The following RBPJL variants were observed in gnomAD, a reference collection of about 807,000 sequenced individuals.
RBPJL encodes recombining binding protein suppressor of hairless-like protein.
A neutral mutation model predicts 57.6 loss-of-function variants in RBPJL; 50 were observed. The ratio of observed to expected loss-of-function variants is 0.87; its 90% confidence interval spans 0.69 to 1.10. RBPJL has a LOEUF of 1.10. Among genes scored for constraint, RBPJL ranks in the 50% least tolerant of loss-of-function variants. The pLI is 0.00. For missense variants in RBPJL, 684 were observed against 693.7 expected (o/e 0.99, Z 0.16); for synonymous variants, 303 against 294.4 (o/e 1.03, Z -0.30).
In RBPJL at chr20:45,317,740, C is replaced by G. The variant is rs1390830989; in HGVS notation, c.*781C>G. 1.3e-5 allele frequency: 2 copies of G among 152,372 alleles called. No homozygotes were observed. Among genetic ancestry groups the G allele is most frequent in the African/African-American group, 4.8e-5 (2 of 41,452 alleles). The allele number at this position is 152,372 out of a possible 1,614,324, so 9.4% of individuals were successfully genotyped here. On this transcript the variant is annotated 3_prime_UTR_variant, in exon 12 of 12. Coordinates refer to ENST00000343694, the MANE Select transcript of RBPJL (RefSeq NM_014276.4). ...AGGTCTTGCCGCCTTAACTGTCCCCCCCAGTCACTTCTCCCACAGGCCCAG... is the reference window on the plus strand; with the variant it reads ...AGGTCTTGCCGCCTTAACTGTCCCCGCCAGTCACTTCTCCCACAGGCCCAG...
rs1987052457 is a variant in RBPJL at position 45,309,712 on chromosome 20, C to T, written c.257+20C>T. On this transcript the variant is annotated intron_variant, in intron 3 of 11. Coordinates refer to ENST00000343694, the MANE Select transcript of RBPJL (RefSeq NM_014276.4). ...GAAGCGGTAGGTGCCTCCGCAGCCC[C>T]TCCCAGGTCTCTGCAACTGTCAGCC... is the stretch of plus-strand genomic sequence containing the variant. 3.7e-6 allele frequency: 6 copies of T among 1,612,794 alleles called. No individual in the cohort carries two copies. The highest frequency in any genetic ancestry group is 4.2e-6 in the Non-Finnish European group (5 of 1,179,412).
intron 3 of RBPJL, among the ~76,000 whole-genome samples, chr20:45,310,891 T>C (rs961223376): frequency 6.6e-6 from 1 of 151,868 alleles, no homozygotes; most frequent in African/African-American, 2.4e-5. Flanking sequence ...GGTGGGCAGA[T>C]TGCTTGAGCC....
At position 45,316,676 on chromosome 20, in the gene RBPJL, C is replaced by G; in HGVS notation, c.1281-10C>G. 1 of 1,582,392 alleles carries G rather than the reference C, an allele frequency of 6.3e-7. No homozygotes were observed. On this transcript the variant is annotated splice_polypyrimidine_tract_variant and intron_variant, in intron 11 of 11. Transcript: ENST00000343694. The stretch of plus-strand genomic sequence containing the variant: ...TCGCCGCAGCCCTCACCCTGGTGCT[C>G]CACCCCCAGGAGCCCGCGGTCCCTG...
At position 45,312,277 on chromosome 20, in the gene RBPJL, T is replaced by TCGGCTGGTGCTG. The variant is rs1210046540; in HGVS notation, c.516_527dup (p.Leu173_Arg176dup). The TCGGCTGGTGCTG allele has an allele frequency of 2.0e-5, 33 of 1,614,214 alleles. 1 individual carries two copies. Among genetic ancestry groups the TCGGCTGGTGCTG allele is most frequent in the Non-Finnish European group, 2.7e-5 (32 of 1,180,018 alleles). ...CAGATGCAGACAAGAGGAAGCACTT[T>TCGGCTGGTGCTG]CGGCTGGTGCTGCGGCTGGTGCTGC... On this transcript the variant is annotated inframe_insertion, in exon 6 of 12. Transcript: ENST00000343694.
chr20:45,312,073 G>T (rs940985532), intron 5 of RBPJL, 119 bp downstream of exon 5: 1 of 1,440,002 alleles, frequency 6.9e-7, no homozygotes, highest in African/African-American at 1.4e-5. Context: ...GGGAGGCCGG[G>T]GTCCTGCCTT....
chr20:45,310,044 C>T (rs1987076575), intron 3 of RBPJL, among the ~76,000 whole-genome samples: 2 of 152,236 alleles, frequency 1.3e-5, no homozygotes, highest in South Asian at 4.1e-4. Flanking sequence ...GAAACAGCCC[C>T]TGCTCTGTAG....
chr20:45,312,172 G>T, intron 5 of RBPJL, 49 bp from the exon 6 acceptor site: 1 of 1,612,720 alleles, frequency 6.2e-7, no homozygotes, highest in South Asian at 1.1e-5. Flanking sequence ...TGGTTCATCC[G>T]ACGGGGGAGG....
intron 9 of RBPJL, 161 bp from the exon 10 acceptor site, chr20:45,316,026 G>A (rs529639698): frequency 7.7e-6 from 4 of 520,980 alleles, no homozygotes; most frequent in African/African-American, 7.6e-5. Flanking sequence ...CTAAGTGAGA[G>A]AACTTAAGGG....
chr20:45,313,824 C>T (rs559663788), intron 7 of RBPJL, among the ~76,000 whole-genome samples: 1 of 152,340 alleles, frequency 6.6e-6, no homozygotes, highest in East Asian at 1.9e-4. Flanking sequence ...AGCTGCCTGC[C>T]CCCAACCCCT....
chr20:45,311,253 G>A (rs756619869), intron 3 of RBPJL, among the ~76,000 whole-genome samples: 6 of 152,160 alleles, frequency 3.9e-5, no homozygotes, highest in Non-Finnish European at 7.3e-5. Flanking sequence ...GATAGAAACA[G>A]AACTTTCTGG....
Position 45,317,222 on chromosome 20 carries a change from C to T in RBPJL, c.*263C>T, listed in dbSNP as rs1987522952. 7.2e-6 allele frequency: 4 copies of T among 558,188 alleles called. No homozygotes were observed. The highest frequency in any genetic ancestry group is 9.5e-6 in the Non-Finnish European group (3 of 316,420). 34.6% of individuals were successfully genotyped at this position (558,188 alleles called of 1,614,324 possible). A position where few individuals can be genotyped will look rare whatever the true frequency, so the allele number is the denominator to read the frequency against. ...CTCCCTGTCTTCATTTCTTCTCACTCTGTCTCTAAACCTCTCTCTCTCTCC... is the reference window on the plus strand; with the variant it reads ...CTCCCTGTCTTCATTTCTTCTCACTTTGTCTCTAAACCTCTCTCTCTCTCC... On this transcript the variant is annotated 3_prime_UTR_variant, in exon 12 of 12. Transcript: ENST00000343694.
chr20:45,308,375 C>A, intron 2 of RBPJL, 124 bp downstream of exon 2: 1 of 655,148 alleles, frequency 1.5e-6, no homozygotes, highest in South Asian at 1.7e-5. Context: ...TGCAACCCCT[C>A]CCACTGGCAG....
Position 45,317,519 on chromosome 20 carries a change from C to G in RBPJL, c.*560C>G, listed in dbSNP as rs534881319. The G allele has an allele frequency of 6.5e-6, 1 of 153,496 alleles. No homozygotes were observed. Among genetic ancestry groups the G allele is most frequent in the Non-Finnish European group, 1.5e-5 (1 of 68,956 alleles). 9.5% of individuals were successfully genotyped at this position (153,496 alleles called of 1,614,324 possible). A position where few individuals can be genotyped will look rare whatever the true frequency, so the allele number is the denominator to read the frequency against. On this transcript the variant is annotated 3_prime_UTR_variant, in exon 12 of 12. Transcript: ENST00000343694. ...ATTAGATCCACCTGGAGCACCGGGT[C>G]TCTCTAAGTCTCACCTGGGGAATTC...
Position 45,314,406 on chromosome 20 carries a change from A to T in RBPJL, c.868-7A>T. ...CCACCACTGTTCTTACCATCCTTCC[A>T]TTGCAGATCATCCGTAAAGTAGCAA... On this transcript the variant is annotated splice_polypyrimidine_tract_variant and splice_region_variant and intron_variant, in intron 8 of 11. Transcript: ENST00000343694. 2 of 1,611,610 alleles carry T rather than the reference A, an allele frequency of 1.2e-6. No homozygotes were observed. The highest frequency in any genetic ancestry group is 1.7e-6 in the Non-Finnish European group (2 of 1,177,980).
At position 45,313,609 on chromosome 20, in the gene RBPJL, A is replaced by G; in HGVS notation, c.757+4A>G. Reference sequence around the variant, plus strand: ...GCTGCCTTCACGCTCCACCTGGGTAATGACATCTGCAGGCCCTGGAGCTGG... The same window carrying G: ...GCTGCCTTCACGCTCCACCTGGGTAGTGACATCTGCAGGCCCTGGAGCTGG... On this transcript the variant is annotated splice_donor_region_variant and intron_variant, in intron 7 of 11. Transcript: ENST00000343694. 6.2e-7 allele frequency: 1 copy of G among 1,604,290 alleles called. No homozygotes were observed. The highest frequency in any genetic ancestry group is 8.5e-7 in the Non-Finnish European group (1 of 1,174,698).
chr20:45,309,645 G>T lies in RBPJL; in HGVS notation c.210G>T (p.Arg70=). Residue 70 remains arginine, a synonymous_variant, in exon 3 of 12, where the codon CGG becomes CGT. Coordinates refer to ENST00000343694, the MANE Select transcript of RBPJL (RefSeq NM_014276.4). The stretch of plus-strand genomic sequence containing the variant: ...AGCAACAGTGTGAACAGACTGTGCG[G>T]ATCCTGCATGCCAAGGTGGCCCAGA... ...CLQQQCEQTV[R]ILHAKVAQKS... 6.2e-7 allele frequency: 1 copy of T among 1,613,818 alleles called. No individual in the cohort carries two copies. Among genetic ancestry groups the T allele is most frequent in the Middle Eastern group, 1.6e-4 (1 of 6,062 alleles).
At chr20:45,314,245 G>C (rs1363440845) in intron 8 of RBPJL, 101 bp downstream of exon 8, 2 of 1,261,480 alleles carry the variant, frequency 1.6e-6, no homozygotes. Context: ...AAGGCATGGA[G>C]ACACCTGTTC....
At chr20:45,314,263 G>T in intron 8 of RBPJL, 119 bp downstream of exon 8, 2 of 1,227,394 alleles carry the variant, frequency 1.6e-6, no homozygotes, top group Non-Finnish European at 2.4e-6. Context: ...TTCTCACCCA[G>T]TGTCGCGTAG....
At chr20:45,316,116 G>A (rs968244774) in intron 9 of RBPJL, 71 bp from the exon 10 acceptor site, 1 of 1,500,994 alleles carries the variant, frequency 6.7e-7, no homozygotes, top group Non-Finnish European at 9.2e-7. Flanking sequence ...AAGCCCACGC[G>A]CCATGCTGGC....
Sources: allele counts gnomAD v4.1 joint callset (sites outside exome capture counted in the v4.1 genomes callset), GRCh38; gene constraint gnomAD v4.1.1; transcripts MANE v1.5; gene names NCBI Gene and HGNC (gene_info 2026-07-23, HGNC 2026-07-21).